TRIO: variants seen among roughly 807,000 people sequenced by gnomAD.
The protein encoded by TRIO is triple functional domain protein.
In TRIO, 58 loss-of-function variants were observed where a neutral mutation model predicts 351.9. The ratio of observed to expected loss-of-function variants is 0.16; its 90% confidence interval spans 0.13 to 0.21. TRIO has a LOEUF of 0.21. TRIO is among the 10% of genes least tolerant of loss of function. The pLI, the probability that TRIO is intolerant of heterozygous loss-of-function variation, is 1.00. For missense variants in TRIO, 3,201 were observed against 4,027.8 expected (o/e 0.79, Z 5.56); for synonymous variants, 1,758 against 1,595.7 (o/e 1.10, Z -2.42).
intron 24 of TRIO, among the ~76,000 whole-genome samples, chr5:14,389,028 G>T (rs1220527294): frequency 6.6e-6 from 1 of 152,154 alleles, no homozygotes; most frequent in Non-Finnish European, 1.5e-5. Context: ...AGGAATATTG[G>T]TTATACTTGT....
At chr5:14,330,047 A>G (rs1740765864) in intron 9 of TRIO, among the ~76,000 whole-genome samples, 1 of 152,164 alleles carries the variant, frequency 6.6e-6, no homozygotes, top group South Asian at 2.1e-4. Flanking sequence ...TCGCAGGTCA[A>G]CTCTAGTTTG....
rs184909264 is a variant in TRIO at position 14,355,808 on chromosome 5, C to T, written c.2047-2370C>T. Among the ~76,000 whole-genome samples, 1,072 of 152,230 alleles carry T rather than the reference C, an allele frequency of 7.0e-3. 2 individuals are homozygous for T. The highest frequency in any genetic ancestry group is 0.01 in the Middle Eastern group (3 of 294). ...TCAGTTCAGATTTGATGAATTGGTG[C>T]GTGGCATTTTCATGTGGAATTAAAT... is the stretch of plus-strand genomic sequence containing the variant. On this transcript the variant is annotated intron_variant, in intron 11 of 56. Transcript: ENST00000344204.
chr5:14,463,540 T>G (rs893768176), intron 36 of TRIO, among the ~76,000 whole-genome samples: 1 of 152,224 alleles, frequency 6.6e-6, no homozygotes, highest in Non-Finnish European at 1.5e-5. Context: ...AAAATTATTT[T>G]GTCAGCCCAA....
At chr5:14,167,909 T>A (rs1788865827) in intron 1 of TRIO, among the ~76,000 whole-genome samples, 1 of 152,122 alleles carries the variant, frequency 6.6e-6, no homozygotes, top group Non-Finnish European at 1.5e-5. Flanking sequence ...CTTAAATCTC[T>A]TTTTTTTAAA....
intron 1 of TRIO, among the ~76,000 whole-genome samples, chr5:14,153,756 C>A (rs551236073): frequency 3.3e-5 from 5 of 152,166 alleles, no homozygotes; most frequent in Non-Finnish European, 5.9e-5. Context: ...CCCCTCCATG[C>A]CCCTTCCCTC....
chr5:14,269,774 A>G (rs1339908469), intron 1 of TRIO, among the ~76,000 whole-genome samples: 1 of 152,222 alleles, frequency 6.6e-6, no homozygotes, highest in African/African-American at 2.4e-5. Flanking sequence ...CTTGCCTTCT[A>G]ATTCCAAGTC....
intron 31 of TRIO, 138 bp downstream of exon 31, chr5:14,401,202 A>G: frequency 1.5e-6 from 1 of 658,846 alleles, no homozygotes; most frequent in Non-Finnish European, 2.4e-6. Context: ...ATTGGTGACT[A>G]CCACAAAAAG....
At position 14,509,434 on chromosome 5, in the gene TRIO, G is replaced by A. The variant is rs1188466994; in HGVS notation, c.*1012G>A. On this transcript the variant is annotated 3_prime_UTR_variant, in exon 57 of 57. Coordinates refer to ENST00000344204, the MANE Select transcript of TRIO (RefSeq NM_007118.4). ...GGTAGGGTCGTAGCCCTGTGCCATC[G>A]GTTCAAAGAGACTTTTCGTGAAATT... The A allele has an allele frequency of 1.7e-5, 8 of 469,460 alleles. No individual in the cohort carries two copies. The highest frequency in any genetic ancestry group is 6.1e-5 in the East Asian group (1 of 16,440). 29.1% of individuals were successfully genotyped at this position (469,460 alleles called of 1,614,324 possible). A position where few individuals can be genotyped will look rare whatever the true frequency, so the allele number is the denominator to read the frequency against.
At chr5:14,467,430 T>G (rs1754339496) in intron 37 of TRIO, among the ~76,000 whole-genome samples, 1 of 152,118 alleles carries the variant, frequency 6.6e-6, no homozygotes, top group Non-Finnish European at 1.5e-5. Context: ...CAGGTAATCG[T>G]GTGGTGTTCC....
At position 14,193,288 on chromosome 5, in the gene TRIO, T is replaced by C. The variant is rs1790560370; in HGVS notation, c.157+49406T>C. 2.0e-5 allele frequency among the ~76,000 whole-genome samples: 3 copies of C among 150,454 alleles called. 1 individual carries two copies. In the South Asian group the frequency reaches 6.2e-4, roughly 31 times the overall value. ...AGTATTATTATTTGTATTCATTTTT[T>C]GTTTTAGGAAAAACGTACCTGTGGG... On this transcript the variant is annotated intron_variant, in intron 1 of 56. Coordinates refer to ENST00000344204, the MANE Select transcript of TRIO (RefSeq NM_007118.4).
intron 1 of TRIO, among the ~76,000 whole-genome samples, chr5:14,245,996 A>T (rs1794415360): frequency 6.6e-6 from 1 of 152,220 alleles, no homozygotes; most frequent in Non-Finnish European, 1.5e-5. Context: ...ATTGCTTATT[A>T]TTCTGGGAGT....
At chr5:14,271,949 TTG>T (rs1796000066) in intron 2 of TRIO, among the ~76,000 whole-genome samples, 1 of 152,194 alleles carries the variant, frequency 6.6e-6, no homozygotes, top group East Asian at 1.9e-4. Flanking sequence ...TGGTTTGATT[TTG>T]TGGGAGTAAA....
chr5:14,258,046 C>G (rs140820903), intron 1 of TRIO, among the ~76,000 whole-genome samples: 3 of 152,224 alleles, frequency 2.0e-5, no homozygotes, highest in Admixed American at 1.3e-4. Context: ...AGTCACCCCC[C>G]CTGGGAGGTG....
intron 1 of TRIO, among the ~76,000 whole-genome samples, chr5:14,190,030 G>T (rs1417593646): frequency 6.6e-6 from 1 of 150,792 alleles, no homozygotes; most frequent in African/African-American, 2.4e-5. Flanking sequence ...CATATCTTCA[G>T]ATCATTCATA....
Position 14,508,131 on chromosome 5 carries a change from C to T in TRIO, c.9003C>T (p.Cys3001=), listed in dbSNP as rs888185233. The T allele has an allele frequency of 1.2e-6, 2 of 1,614,068 alleles. No homozygotes were observed. The highest frequency in any genetic ancestry group is 1.3e-5 in the African/African-American group (1 of 74,942). The change falls in exon 57 of 57, where the codon TGC becomes TGT. Residue 3001 remains cysteine, a synonymous_variant. Transcript: ENST00000344204. ...PFLDDSVEET[C]LNICRLDFSF... is the part of the protein sequence containing the mutation. ...TGGATGACAGTGTGGAAGAGACCTG[C>T]CTGAACATTTGCCGCTTAGACTTTA... is the stretch of plus-strand genomic sequence containing the variant.
chr5:14,305,080 A>G (rs1007284517), intron 8 of TRIO, among the ~76,000 whole-genome samples: 4 of 152,218 alleles, frequency 2.6e-5, no homozygotes, highest in Admixed American at 2.0e-4. Context: ...GCCACCTTCT[A>G]TGCCAGACTG....
chr5:14,258,372 C>A (rs1366771842), intron 1 of TRIO, among the ~76,000 whole-genome samples: 1 of 152,142 alleles, frequency 6.6e-6, no homozygotes, highest in African/African-American at 2.4e-5. Context: ...AGAGAGTTGG[C>A]CGGTGAGGGA....
chr5:14,166,735 C>T (rs1788787007), intron 1 of TRIO, among the ~76,000 whole-genome samples: 1 of 152,156 alleles, frequency 6.6e-6, no homozygotes. Context: ...ATTGAGCCAG[C>T]AAAACTGGGC....
intron 9 of TRIO, among the ~76,000 whole-genome samples, chr5:14,326,225 C>T (rs1740369828): frequency 1.3e-5 from 2 of 152,210 alleles, no homozygotes; most frequent in African/African-American, 4.8e-5. Flanking sequence ...GGGCTGCTTC[C>T]ACAGCAGGTG....
Sources: allele counts gnomAD v4.1 joint callset (sites outside exome capture counted in the v4.1 genomes callset), GRCh38; gene constraint gnomAD v4.1.1; transcripts MANE v1.5; gene names NCBI Gene and HGNC (gene_info 2026-07-23, HGNC 2026-07-21).